The following DNMBP variants were observed in gnomAD, a reference collection of about 807,000 sequenced individuals.
The protein encoded by DNMBP is dynamin binding protein, also known as dynamin-binding protein.
Under a neutral mutation model 150.0 loss-of-function variants are expected in DNMBP, and 87 were observed. The ratio of observed to expected loss-of-function variants is 0.58; its 90% CI spans 0.49 to 0.69. The LOEUF is 0.69. Ranked by LOEUF, DNMBP falls within the 30% of genes least tolerant of loss-of-function variation. The probability of loss-of-function intolerance (pLI) is 0.00; values close to 1 mark genes in which losing one functional copy is unlikely to be tolerated. For missense variants in DNMBP, 1,774 were observed against 1,949.0 expected (o/e 0.91, Z 1.69); for synonymous variants, 711 against 750.4 (o/e 0.95, Z 0.86).
chr10:99,949,205 A>G (rs1254047444), intron 4 of DNMBP, among the ~76,000 whole-genome samples: 1 of 152,090 alleles, frequency 6.6e-6, no homozygotes, highest in Non-Finnish European at 1.5e-5. Flanking sequence ...ATTCAAATCA[A>G]TTCAGTTAAA....
intron 1 of DNMBP, among the ~76,000 whole-genome samples, chr10:100,009,566 A>C (rs575820628): frequency 6.6e-6 from 1 of 152,328 alleles, no homozygotes; most frequent in East Asian, 1.9e-4. Context: ...CCGCTTGAAA[A>C]GCCCACGTTC....
chr10:99,971,825 G>T (rs941982992), intron 2 of DNMBP, among the ~76,000 whole-genome samples, 155 bp downstream of exon 2: 2 of 151,704 alleles, frequency 1.3e-5, no homozygotes, highest in Non-Finnish European at 2.9e-5. Flanking sequence ...ACTGTGCCCA[G>T]CTAGGAATAA....
chr10:99,962,102 C>CT (rs1163809411), intron 3 of DNMBP, among the ~76,000 whole-genome samples: 5 of 151,970 alleles, frequency 3.3e-5, no homozygotes, highest in Non-Finnish European at 5.9e-5. Context: ...TTCATCTTGG[C>CT]TGTCTATAGC....
At chr10:99,905,422 C>T (rs1308887756) in intron 6 of DNMBP, among the ~76,000 whole-genome samples, 3 of 152,190 alleles carry the variant, frequency 2.0e-5, no homozygotes, top group African/African-American at 7.2e-5. Flanking sequence ...CTCTAAGTGT[C>T]GGTTTCTTCA....
rs1589458237 is a variant in DNMBP, at chr10:100,005,786, C to CAAAAAAAAAAAAA, written c.-11+4051_-11+4052insTTTTTTTTTTTTT. Among the ~76,000 whole-genome samples, 245 of 100,900 alleles carry CAAAAAAAAAAAAA rather than the reference C, an allele frequency of 2.4e-3. 5 individuals are homozygous for CAAAAAAAAAAAAA. The highest frequency in any genetic ancestry group is 9.5e-3 in the South Asian group (30 of 3,160). The allele number at this position is 100,900 out of a possible 152,430, so 66.2% of individuals were successfully genotyped here. Reference sequence around the variant, plus strand: ...CTCCAAAAAAAAAAAAAAAAAAAACCAAACTACATAAAGGAAAATGAATTA... The same window carrying CAAAAAAAAAAAAA: ...CTCCAAAAAAAAAAAAAAAAAAAACCAAAAAAAAAAAAAAAACTACATAAAGGAAAATGAATTA... On this transcript the variant is annotated intron_variant, in intron 1 of 16. Coordinates refer to ENST00000324109, the MANE Select transcript of DNMBP (RefSeq NM_015221.4).
intron 14 of DNMBP, among the ~76,000 whole-genome samples, chr10:99,885,443 G>A (rs1209397248): frequency 6.6e-6 from 1 of 152,058 alleles, no homozygotes; most frequent in Non-Finnish European, 1.5e-5. Flanking sequence ...CCCAGAAGGC[G>A]CAGGTTGTAG....
Position 99,886,489 on chromosome 10 carries a change from G to C in DNMBP, c.3429C>G (p.Asp1143Glu), listed in dbSNP as rs779439841. 2 of 1,614,144 alleles carry C rather than the reference G, an allele frequency of 1.2e-6. No individual in the cohort carries two copies. The highest frequency in any genetic ancestry group is 2.2e-5 in the South Asian group (2 of 91,078). ...NCTERAEKLK[D>E]KKTLEELQSA... ...ACTGCAGCTCCTCCAGGGTCTTCTT[G>C]TCCTTTAGCTTTTCTGCCCGTTCTG... The change falls in exon 13 of 17, where the codon GAC becomes GAG. Residue 1143 changes from aspartate (D) to glutamate (E), a missense_variant. By Grantham distance (45) the Asp-to-Glu change is conservative. Coordinates refer to ENST00000324109, the MANE Select transcript of DNMBP (RefSeq NM_015221.4).
intron 4 of DNMBP, among the ~76,000 whole-genome samples, chr10:99,915,369 AC>A (rs2039954131): frequency 1.3e-5 from 2 of 149,812 alleles, no homozygotes; most frequent in African/African-American, 4.9e-5. Flanking sequence ...CTCAAACTTA[AC>A]CAGTACTTTT....
In DNMBP at chr10:100,007,107, T is replaced by C. The variant is rs566760632; in HGVS notation, c.-11+2731A>G. Among the ~76,000 whole-genome samples, 90 of 151,624 alleles carry C rather than the reference T, an allele frequency of 5.9e-4. 1 individual carries two copies. Among genetic ancestry groups the C allele is most frequent in the Non-Finnish European group, 1.3e-3 (87 of 67,888 alleles). On this transcript the variant is annotated intron_variant, in intron 1 of 16. Transcript: ENST00000324109. The stretch of plus-strand genomic sequence containing the variant: ...TCCAGCCTGGGTGACAGAGCAAGAC[T>C]CTGTCTCCAAAAAAAAAAAAGTTAT...
intron 1 of DNMBP, among the ~76,000 whole-genome samples, chr10:99,988,317 A>G (rs1322699137): frequency 2.6e-5 from 4 of 152,302 alleles, no homozygotes; most frequent in East Asian, 1.9e-4. Flanking sequence ...TTATTAGTCT[A>G]TAACTCCCTT....
chr10:99,882,842 G>C (rs2039390742), intron 15 of DNMBP, among the ~76,000 whole-genome samples: 1 of 152,084 alleles, frequency 6.6e-6, no homozygotes, highest in South Asian at 2.1e-4. Flanking sequence ...AGGCGGGATG[G>C]AACACCTGAG....
intron 4 of DNMBP, among the ~76,000 whole-genome samples, chr10:99,945,064 T>C (rs537335931): frequency 2.6e-4 from 40 of 152,324 alleles, no homozygotes; most frequent in African/African-American, 9.1e-4. Context: ...ACACTGAGCC[T>C]TGAAATTGGT....
intron 4 of DNMBP, among the ~76,000 whole-genome samples, chr10:99,939,906 G>A (rs1422566538): frequency 1.3e-5 from 2 of 152,188 alleles, no homozygotes; most frequent in Non-Finnish European, 2.9e-5. Flanking sequence ...TGGTACAGGA[G>A]GACCACTGTC....
chr10:99,948,033 T>C (rs901452788), intron 4 of DNMBP, among the ~76,000 whole-genome samples: 1 of 152,204 alleles, frequency 6.6e-6, no homozygotes, highest in Admixed American at 6.5e-5. Flanking sequence ...TATGTATGTG[T>C]GGGGGCACGG....
chr10:99,954,217 T>C (rs1040245519), intron 4 of DNMBP, among the ~76,000 whole-genome samples: 2 of 151,892 alleles, frequency 1.3e-5, no homozygotes, highest in Non-Finnish European at 2.9e-5. Context: ...TTGTATTTTT[T>C]TGTAGAAGCA....
intron 1 of DNMBP, among the ~76,000 whole-genome samples, chr10:99,992,998 T>C (rs1273280526): frequency 6.6e-6 from 1 of 152,006 alleles, no homozygotes; most frequent in Non-Finnish European, 1.5e-5. Flanking sequence ...GAGTGGTGAT[T>C]GCACCCTCTA....
intron 4 of DNMBP, among the ~76,000 whole-genome samples, chr10:99,916,934 G>A (rs1457965331): frequency 4.6e-5 from 7 of 152,246 alleles, no homozygotes; most frequent in South Asian, 2.1e-4. Flanking sequence ...TCCAGGAGGC[G>A]GAGGGTGCAG....
intron 4 of DNMBP, among the ~76,000 whole-genome samples, chr10:99,947,040 GA>G (rs754697712): frequency 6.6e-5 from 10 of 152,166 alleles, no homozygotes; most frequent in Admixed American, 1.3e-4. Flanking sequence ...ACACCAGTCA[GA>G]ATGGGTATTA....
chr10:99,946,821 T>C (rs1443031103), intron 4 of DNMBP, among the ~76,000 whole-genome samples: 1 of 151,868 alleles, frequency 6.6e-6, no homozygotes, highest in Non-Finnish European at 1.5e-5. Context: ...AAACTATATG[T>C]AAACTATGCA....
Sources: gnomAD v4.1 joint callset for allele counts (sites outside exome capture counted in the v4.1 genomes callset) on GRCh38, gnomAD v4.1.1 for gene constraint, MANE v1.5 for transcripts, NCBI Gene and HGNC (gene_info 2026-07-23, HGNC 2026-07-21) for gene names.